The following GNAQ variants were observed in gnomAD, a reference collection of about 807,000 sequenced individuals.
GNAQ encodes G protein subunit alpha q.
Under a neutral mutation model 43.9 loss-of-function variants are expected in GNAQ, and 8 were observed. The observed-to-expected ratio is 0.18, with a 90% CI of 0.11 to 0.33. The LOEUF is 0.33. Among genes scored for constraint, GNAQ ranks in the 10% least tolerant of loss-of-function variants. GNAQ has a pLI of 1.00. For synonymous variants in GNAQ, 155 were observed against 170.7 expected, an observed-to-expected ratio of 0.91 and a Z score of 0.71; for missense variants, 158 against 450.8, an observed-to-expected ratio of 0.35 and a Z score of 5.88.
intron 2 of GNAQ, among the ~76,000 whole-genome samples, chr9:77,866,027 G>A (rs1243177190): frequency 6.6e-6 from 1 of 152,158 alleles, no homozygotes. Context: ...TGAGAAAGTT[G>A]CTATAATAGA....
chr9:77,888,329 C>T lies in GNAQ; in HGVS notation c.321+33832G>A, dbSNP rs562224711. Among the ~76,000 whole-genome samples, 79 of 152,246 alleles carry T rather than the reference C, an allele frequency of 5.2e-4. 1 individual carries two copies. The highest frequency in any genetic ancestry group is 3.4e-3 in the Middle Eastern group (1 of 294). ...TTCTAGATCACTGGCAATAATTCCT[C>T]CTGCTACTACACAGATTTCAGAATA... On this transcript the variant is annotated intron_variant, in intron 2 of 6. Transcript: ENST00000286548.
intron 2 of GNAQ, among the ~76,000 whole-genome samples, chr9:77,853,637 G>A (rs1827705128): frequency 2.6e-5 from 4 of 152,002 alleles, no homozygotes. Context: ...AACTGGCAGT[G>A]TGAAAAATAA....
chr9:77,997,138 T>G (rs571920326), intron 1 of GNAQ, among the ~76,000 whole-genome samples: 1 of 152,324 alleles, frequency 6.6e-6, no homozygotes, highest in African/African-American at 2.4e-5. Context: ...CCAGGCTAGG[T>G]GATGCGCATG....
At chr9:77,729,156 T>C (rs1825445993) in intron 5 of GNAQ, among the ~76,000 whole-genome samples, 1 of 152,214 alleles carries the variant, frequency 6.6e-6, no homozygotes, top group Admixed American at 6.5e-5. Context: ...TATTTCTAGA[T>C]GTTTTCTAGA....
chr9:77,725,345 G>A (rs1278278695), intron 6 of GNAQ, among the ~76,000 whole-genome samples: 1 of 148,274 alleles, frequency 6.7e-6, no homozygotes, highest in African/African-American at 2.6e-5. Flanking sequence ...TTAAGACCTT[G>A]TAAGTATAGA....
chr9:77,876,906 T>C (rs972719574), intron 2 of GNAQ, among the ~76,000 whole-genome samples: 1 of 152,122 alleles, frequency 6.6e-6, no homozygotes, highest in African/African-American at 2.4e-5. Context: ...AGCCACAAAA[T>C]AGAACCTTAA....
intron 2 of GNAQ, among the ~76,000 whole-genome samples, chr9:77,819,028 A>AC (rs1827067461): frequency 7.3e-6 from 1 of 137,812 alleles, no homozygotes; most frequent in Non-Finnish European, 1.6e-5. Context: ...AAAAAAAAAA[A>AC]ACACCCAAAA....
At chr9:77,977,526 T>A (rs1823319208) in intron 1 of GNAQ, among the ~76,000 whole-genome samples, 1 of 151,968 alleles carries the variant, frequency 6.6e-6, no homozygotes, top group African/African-American at 2.4e-5. Flanking sequence ...AAGTCGAAAT[T>A]TCCCCTTTCA....
intron 5 of GNAQ, among the ~76,000 whole-genome samples, chr9:77,756,886 T>C (rs1312414363): frequency 2.6e-5 from 4 of 152,202 alleles, no homozygotes; most frequent in African/African-American, 9.7e-5. Context: ...GTTATTCTTG[T>C]TCCCATGAGA....
intron 1 of GNAQ, among the ~76,000 whole-genome samples, chr9:77,954,020 A>G (rs149178048): frequency 1.6e-3 from 244 of 152,352 alleles, no homozygotes; most frequent in African/African-American, 5.7e-3. Context: ...GCATAAAAAC[A>G]TATTTTCTTC....
At chr9:77,830,013 C>T (rs1242748892) in intron 2 of GNAQ, among the ~76,000 whole-genome samples, 1 of 152,126 alleles carries the variant, frequency 6.6e-6, no homozygotes, top group Non-Finnish European at 1.5e-5. Context: ...GAGTACAGGG[C>T]ACGATCATAG....
intron 2 of GNAQ, among the ~76,000 whole-genome samples, chr9:77,857,508 AGAAGGAAGGGAAGAAG>A (rs1349199480): frequency 9.6e-4 from 135 of 140,438 alleles, no homozygotes; most frequent in African/African-American, 2.8e-3. Context: ...GACACAGGAA[AGAAGGAAGGGAAGAAG>A]GAAGGAAGGG....
intron 2 of GNAQ, among the ~76,000 whole-genome samples, chr9:77,915,013 T>A (rs1486289548): frequency 1.3e-5 from 2 of 152,176 alleles, no homozygotes; most frequent in African/African-American, 4.8e-5. Flanking sequence ...AGGCAAAAGC[T>A]TCAAAATATA....
intron 2 of GNAQ, among the ~76,000 whole-genome samples, chr9:77,849,548 A>T (rs926833752): frequency 1.3e-5 from 2 of 152,154 alleles, no homozygotes; most frequent in African/African-American, 4.8e-5. Flanking sequence ...TCATCTGGTC[A>T]TCCGTACTGG....
intron 6 of GNAQ, among the ~76,000 whole-genome samples, chr9:77,725,096 TTTA>T (rs771803888): frequency 6.6e-6 from 1 of 152,114 alleles, no homozygotes; most frequent in Non-Finnish European, 1.5e-5. Context: ...TTTTTTCTTT[TTTA>T]TTTACCCTAC....
intron 1 of GNAQ, among the ~76,000 whole-genome samples, chr9:77,987,864 T>C (rs1439409099): frequency 2.6e-5 from 4 of 151,816 alleles, no homozygotes; most frequent in Admixed American, 2.0e-4. Flanking sequence ...GACCCCCATC[T>C]CTAAAAAAGA....
At position 77,744,398 on chromosome 9, in the gene GNAQ, A is replaced by AC. The variant is rs139581054; in HGVS notation, c.736-15732dup. 5.2e-3 allele frequency among the ~76,000 whole-genome samples: 787 copies of AC among 152,074 alleles called. 2 individuals carry two copies. Among genetic ancestry groups the AC allele is most frequent in the Middle Eastern group, 0.014 (4 of 294 alleles). The stretch of plus-strand genomic sequence containing the variant: ...TTTACTCCCTCTTAATTCTCCCCCA[A>AC]CCCCTTTTTCCTGGGCACTTATAAC... On this transcript the variant is annotated intron_variant, in intron 5 of 6. Coordinates refer to ENST00000286548, the MANE Select transcript of GNAQ (RefSeq NM_002072.5).
chr9:77,905,760 A>C (rs567424955), intron 2 of GNAQ, among the ~76,000 whole-genome samples: 1 of 152,320 alleles, frequency 6.6e-6, no homozygotes, highest in East Asian at 1.9e-4. Flanking sequence ...GCACTTACGG[A>C]AACATTTGCT....
chr9:77,962,151 G>GA (rs991060165), intron 1 of GNAQ, among the ~76,000 whole-genome samples: 1 of 151,880 alleles, frequency 6.6e-6, no homozygotes, highest in African/African-American at 2.4e-5. Context: ...AAAAAAGACA[G>GA]AAAAAAACGA....
Sources: allele counts gnomAD v4.1 joint callset (sites outside exome capture counted in the v4.1 genomes callset), GRCh38; gene constraint gnomAD v4.1.1; transcripts MANE v1.5; gene names NCBI Gene and HGNC (gene_info 2026-07-23, HGNC 2026-07-21).